The following PRCP variants were observed in gnomAD, a reference collection of about 807,000 sequenced individuals.
PRCP encodes the protein lysosomal Pro-X carboxypeptidase.
In PRCP, 46 loss-of-function variants were observed where a neutral mutation model predicts 54.2. The observed-to-expected ratio is 0.85, with a 90% CI of 0.67 to 1.09. PRCP has a LOEUF of 1.09. Among genes scored for constraint, PRCP ranks in the 50% least tolerant of loss-of-function variants. PRCP has a pLI of 0.00. For synonymous variants in PRCP, 240 were observed against 212.2 expected (o/e 1.13, Z -1.14); for missense variants, 613 against 596.8 (o/e 1.03, Z -0.28).
rs146234682 is a variant in PRCP, at chr11:82,871,177, CT to C, written c.169-11061del. Among the ~76,000 whole-genome samples the C allele has an allele frequency of 5.6e-3, 663 of 117,382 alleles. 2 individuals carry two copies. The highest frequency in any genetic ancestry group is 0.015 in the African/African-American group (472 of 31,994). The allele number at this position is 117,382 out of a possible 152,430, so 77.0% of individuals were successfully genotyped here. ...ATAGTCTATTGTTCTAAATGTTTCTCTTTTTTTTTTTTTTTTTTTTTGAAAC... is the reference window on the plus strand; with the variant it reads ...ATAGTCTATTGTTCTAAATGTTTCTCTTTTTTTTTTTTTTTTTTTTGAAAC... On this transcript the variant is annotated intron_variant, in intron 1 of 8. Transcript: ENST00000313010.
chr11:82,862,869 C>T (rs1400613065), intron 1 of PRCP, among the ~76,000 whole-genome samples: 8 of 152,120 alleles, frequency 5.3e-5, no homozygotes, highest in Non-Finnish European at 1.0e-4. Flanking sequence ...GGGCCAAGTA[C>T]TAAGCTAAGC....
intron 2 of PRCP, among the ~76,000 whole-genome samples, chr11:82,856,624 C>A (rs969870957): frequency 6.6e-6 from 1 of 151,994 alleles, no homozygotes; most frequent in Non-Finnish European, 1.5e-5. Flanking sequence ...TACACCAAAT[C>A]TGAGCAACAC....
At position 82,898,852 on chromosome 11, in the gene PRCP, T is replaced by G. The variant is rs573448193; in HGVS notation, c.168+1383A>C. Among the ~76,000 whole-genome samples the G allele has an allele frequency of 5.9e-5, 9 of 152,318 alleles. No individual in the cohort carries two copies. In the South Asian group the frequency reaches 1.9e-3, roughly 32 times the overall value. On this transcript the variant is annotated intron_variant, in intron 1 of 8. Coordinates refer to ENST00000313010, the MANE Select transcript of PRCP (RefSeq NM_005040.4). ...TGAACTCAAATGTCTGGGTTAAAAA[T>G]TGTTTCTTGGCTGGGGACACAGTGG...
intron 3 of PRCP, among the ~76,000 whole-genome samples, chr11:82,852,807 T>C (rs1565224230): frequency 6.6e-6 from 1 of 152,224 alleles, no homozygotes; most frequent in Non-Finnish European, 1.5e-5. Flanking sequence ...GATAAATTTG[T>C]TATGCTCATT....
At chr11:82,867,666 C>T (rs982334459) in intron 1 of PRCP, among the ~76,000 whole-genome samples, 3 of 152,168 alleles carry the variant, frequency 2.0e-5, no homozygotes, top group African/African-American at 2.4e-5. Context: ...TAGGAAATGA[C>T]ACACCACCAG....
At chr11:82,889,177 T>A (rs921749382) in intron 1 of PRCP, among the ~76,000 whole-genome samples, 1 of 151,680 alleles carries the variant, frequency 6.6e-6, no homozygotes, top group African/African-American at 2.4e-5. Context: ...CTGGGCAACA[T>A]AGCAAGACCC....
intron 1 of PRCP, 67 bp from the exon 2 acceptor site, chr11:82,860,184 AT>A (rs1311635758): frequency 1.8e-6 from 2 of 1,129,620 alleles, no homozygotes; most frequent in African/African-American, 3.2e-5. Flanking sequence ...CATAAAGGTA[AT>A]TAATTCTTCC....
chr11:82,889,708 T>C (rs759267206), intron 1 of PRCP, among the ~76,000 whole-genome samples: 42 of 152,182 alleles, frequency 2.8e-4, no homozygotes, highest in South Asian at 4.1e-4. Context: ...GATTAACACA[T>C]AGACAGGAAA....
chr11:82,873,867 C>T (rs530532963), intron 1 of PRCP, among the ~76,000 whole-genome samples: 61 of 152,296 alleles, frequency 4.0e-4, no homozygotes, highest in South Asian at 1.2e-3. Context: ...AAAATCCCCA[C>T]ATGAATAGCA....
intron 1 of PRCP, among the ~76,000 whole-genome samples, chr11:82,864,204 A>G (rs1388668984): frequency 2.0e-5 from 3 of 152,152 alleles, no homozygotes; most frequent in African/African-American, 4.8e-5. Flanking sequence ...AAAATCTCCT[A>G]TTTTCTGAGT....
intron 3 of PRCP, among the ~76,000 whole-genome samples, chr11:82,852,384 G>C (rs1858978307): frequency 6.6e-6 from 1 of 152,158 alleles, no homozygotes; most frequent in Admixed American, 6.5e-5. Context: ...TTCTAGCTGA[G>C]AGTTCCCAAA....
chr11:82,842,591 G>C (rs1364859535), intron 6 of PRCP, among the ~76,000 whole-genome samples: 1 of 152,028 alleles, frequency 6.6e-6, no homozygotes, highest in Non-Finnish European at 1.5e-5. Context: ...ATACCCTTGG[G>C]GCTAAATCTT....
intron 6 of PRCP, chr11:82,840,326 A>G (rs964375496): frequency 6.6e-6 from 1 of 152,114 alleles, no homozygotes; most frequent in Non-Finnish European, 1.5e-5. Flanking sequence ...AAAATGATAT[A>G]ATTTGTGTAT....
At chr11:82,886,171 G>A (rs1244036088) in intron 1 of PRCP, among the ~76,000 whole-genome samples, 3 of 152,094 alleles carry the variant, frequency 2.0e-5, no homozygotes. Flanking sequence ...TATTTTTGCT[G>A]TCCAAAATTA....
chr11:82,830,391 G>A (rs1297053737), intron 8 of PRCP: 1 of 152,004 alleles, frequency 6.6e-6, no homozygotes, highest in Non-Finnish European at 1.5e-5. Context: ...ACTTTGGGAG[G>A]CCGAGGTGGA....
chr11:82,890,508 C>T (rs77246540), intron 1 of PRCP, among the ~76,000 whole-genome samples: 2,046 of 152,096 alleles, frequency 0.013, 44 homozygotes, highest in African/African-American at 0.046. Flanking sequence ...TTTCTTGTTC[C>T]GTCACTTTCT....
intron 8 of PRCP, chr11:82,826,329 T>C (rs1455846252): frequency 6.6e-6 from 1 of 152,240 alleles, no homozygotes; most frequent in African/African-American, 2.4e-5. Context: ...CCAAATAATA[T>C]TTCATTTATG....
chr11:82,839,123 AG>A (rs1212279403), intron 7 of PRCP, 137 bp downstream of exon 7: 3 of 783,776 alleles, frequency 3.8e-6, no homozygotes, highest in Non-Finnish European at 6.1e-6. Context: ...ACTTGTCCAT[AG>A]TATCACAGCA....
At chr11:82,891,659 A>G (rs1337929003) in intron 1 of PRCP, among the ~76,000 whole-genome samples, 1 of 151,962 alleles carries the variant, frequency 6.6e-6, no homozygotes, top group Non-Finnish European at 1.5e-5. Context: ...CTGAGCACAC[A>G]CCTACCTCAG....
Sources: gnomAD v4.1 joint callset for allele counts (sites outside exome capture counted in the v4.1 genomes callset) on GRCh38, gnomAD v4.1.1 for gene constraint, MANE v1.5 for transcripts, NCBI Gene and HGNC (gene_info 2026-07-23, HGNC 2026-07-21) for gene names.